MRPS28: variants seen among roughly 807,000 people sequenced by gnomAD.
MRPS28 encodes small ribosomal subunit protein bS1m.
In MRPS28, 7 loss-of-function variants were observed where a neutral mutation model predicts 10.8. The ratio of observed to expected loss-of-function variants is 0.65; its 90% confidence interval spans 0.37 to 1.22. The LOEUF is 1.22. MRPS28 is among the 50% of genes most tolerant of loss of function. The pLI is 0.02. For missense variants in MRPS28, 265 were observed against 232.9 expected (o/e 1.14, Z -0.90); for synonymous variants, 121 against 93.3 (o/e 1.30, Z -1.71).
intron 1 of MRPS28, among the ~76,000 whole-genome samples, chr8:80,006,064 T>A (rs1289967652): frequency 6.6e-6 from 1 of 152,072 alleles, no homozygotes; most frequent in Admixed American, 6.5e-5. Flanking sequence ...CTGTCAACAT[T>A]AGACAGATCA....
At chr8:79,922,699 G>T (rs1810127638) in intron 2 of MRPS28, among the ~76,000 whole-genome samples, 1 of 152,014 alleles carries the variant, frequency 6.6e-6, no homozygotes, top group Non-Finnish European at 1.5e-5. Flanking sequence ...AATACCAAAT[G>T]AAAACTGATA....
intron 2 of MRPS28, among the ~76,000 whole-genome samples, chr8:79,992,964 ATTG>A (rs1040339267): frequency 6.6e-6 from 1 of 152,240 alleles, no homozygotes; most frequent in Non-Finnish European, 1.5e-5. Context: ...GTTAGCTATT[ATTG>A]TTCTTATAAT....
intron 2 of MRPS28, among the ~76,000 whole-genome samples, chr8:79,982,333 C>T (rs531154438): frequency 8.9e-4 from 136 of 152,336 alleles, no homozygotes; most frequent in African/African-American, 3.2e-3. Context: ...CCAGCATGAG[C>T]GACGCAGAAG....
chr8:80,017,791 A>G (rs765505683), intron 1 of MRPS28, among the ~76,000 whole-genome samples: 27 of 152,192 alleles, frequency 1.8e-4, no homozygotes, highest in Non-Finnish European at 2.9e-4. Context: ...AAGAAAAGAA[A>G]ACTACAGACC....
intron 2 of MRPS28, among the ~76,000 whole-genome samples, chr8:79,998,397 T>A (rs558643325): frequency 6.6e-6 from 1 of 152,356 alleles, no homozygotes; most frequent in African/African-American, 2.4e-5. Context: ...TAAGGTCCCA[T>A]GCATGTCTCA....
At chr8:79,973,669 G>A (rs773152158) in intron 2 of MRPS28, among the ~76,000 whole-genome samples, 23 of 152,064 alleles carry the variant, frequency 1.5e-4, no homozygotes, top group Non-Finnish European at 2.9e-4. Context: ...GTGTAAAGTC[G>A]AGATTAAAAG....
intron 2 of MRPS28, among the ~76,000 whole-genome samples, chr8:79,969,063 C>T (rs1323893538): frequency 6.6e-6 from 1 of 152,146 alleles, no homozygotes; most frequent in Non-Finnish European, 1.5e-5. Context: ...GCAAATGATC[C>T]TTAAATATTA....
chr8:79,947,260 C>G (rs2129954576), intron 2 of MRPS28, among the ~76,000 whole-genome samples: 1 of 152,246 alleles, frequency 6.6e-6, no homozygotes, highest in South Asian at 2.1e-4. Context: ...TGGAAACCAA[C>G]CAAAAAGCCC....
chr8:79,987,251 C>T (rs992264288), intron 2 of MRPS28, among the ~76,000 whole-genome samples: 3 of 151,990 alleles, frequency 2.0e-5, no homozygotes, highest in African/African-American at 4.8e-5. Context: ...GGATCCCTTC[C>T]TTACACCTTA....
chr8:80,009,183 A>G (rs1369438029), intron 1 of MRPS28, among the ~76,000 whole-genome samples: 1 of 152,182 alleles, frequency 6.6e-6, no homozygotes, highest in African/African-American at 2.4e-5. Context: ...GGACAAAAAA[A>G]CCAAACACCT....
chr8:79,948,315 T>C (rs999196058), intron 2 of MRPS28, among the ~76,000 whole-genome samples: 2 of 152,200 alleles, frequency 1.3e-5, no homozygotes, highest in Non-Finnish European at 2.9e-5. Flanking sequence ...TAGTTTATGC[T>C]TTGTATGTAG....
chr8:79,919,355 A>C (rs1407466200), intron 2 of MRPS28, among the ~76,000 whole-genome samples: 1 of 151,938 alleles, frequency 6.6e-6, no homozygotes, highest in Non-Finnish European at 1.5e-5. Context: ...GTTTTGAAAA[A>C]AAAAAAAAAG....
intron 2 of MRPS28, among the ~76,000 whole-genome samples, chr8:79,929,126 A>G (rs767048558): frequency 6.6e-6 from 1 of 152,208 alleles, no homozygotes; most frequent in Non-Finnish European, 1.5e-5. Flanking sequence ...AGGGTACTGC[A>G]GCCTAGAAAA....
At chr8:79,927,604 G>A (rs1806326456) in intron 2 of MRPS28, among the ~76,000 whole-genome samples, 1 of 152,228 alleles carries the variant, frequency 6.6e-6, no homozygotes, top group South Asian at 2.1e-4. Context: ...ATACCTATAT[G>A]AAGTAAGAGG....
chr8:80,001,951 G>A lies in MRPS28; in HGVS notation c.395+1048C>T, dbSNP rs974384981. Among the ~76,000 whole-genome samples, 4 of 152,070 alleles carry A rather than the reference G, an allele frequency of 2.6e-5. No individual in the cohort carries two copies. The East Asian group carries it at 7.7e-4, about 29-fold the overall frequency. On this transcript the variant is annotated intron_variant, in intron 2 of 2. Coordinates refer to ENST00000276585, the MANE Select transcript of MRPS28 (RefSeq NM_014018.3). ...GGAGTATTTCACATTACAGAAATTGGGGCTTTTTTTTTTAATCAACTAGTT... is the reference window on the plus strand; with the variant it reads ...GGAGTATTTCACATTACAGAAATTGAGGCTTTTTTTTTTAATCAACTAGTT...
chr8:79,961,088 T>C (rs1807361846), intron 2 of MRPS28, among the ~76,000 whole-genome samples: 1 of 152,044 alleles, frequency 6.6e-6, no homozygotes. Context: ...AACTACTATA[T>C]CCTGAATAAA....
rs1252270421 is a variant in MRPS28, at chr8:79,918,784, AG to A, written c.*195del. On this transcript the variant is annotated 3_prime_UTR_variant, in exon 3 of 3. Coordinates refer to ENST00000276585, the MANE Select transcript of MRPS28 (RefSeq NM_014018.3). ...GTACAGTGTATACTATCCCCACCAAAGGAAAAAAACATTAAGAGCAAAACAA... is the reference window on the plus strand; with the variant it reads ...GTACAGTGTATACTATCCCCACCAAAGAAAAAAACATTAAGAGCAAAACAA... The A allele has an allele frequency of 3.6e-6, 1 of 276,574 alleles. No individual in the cohort carries two copies. The highest frequency in any genetic ancestry group is 2.6e-5 in the African/African-American group (1 of 38,616). 17.1% of individuals were successfully genotyped at this position (276,574 alleles called of 1,614,324 possible). A position where few individuals can be genotyped will look rare whatever the true frequency, so the allele number is the denominator to read the frequency against.
chr8:79,947,981 CTTT>C (rs1341376811), intron 2 of MRPS28, among the ~76,000 whole-genome samples: 1 of 146,312 alleles, frequency 6.8e-6, no homozygotes, highest in Non-Finnish European at 1.5e-5. Context: ...TTAAATTTTT[CTTT>C]TTTTCTTCTT....
At chr8:79,920,862 G>A (rs556710752) in intron 2 of MRPS28, among the ~76,000 whole-genome samples, 49 of 152,148 alleles carry the variant, frequency 3.2e-4, no homozygotes, top group African/African-American at 7.2e-4. Context: ...AAGTCCTTGC[G>A]CATGCCTATG....
Sources: gnomAD v4.1 joint callset for allele counts (sites outside exome capture counted in the v4.1 genomes callset) on GRCh38, gnomAD v4.1.1 for gene constraint, MANE v1.5 for transcripts, NCBI Gene and HGNC (gene_info 2026-07-23, HGNC 2026-07-21) for gene names.